Variants in PPP3CA observed in about 807,000 individuals in gnomAD.
PPP3CA encodes the protein protein phosphatase 3 catalytic subunit alpha, also known as CAM-PRP catalytic subunit.
Under a neutral mutation model 66.5 loss-of-function variants are expected in PPP3CA, and 14 were observed. The observed-to-expected ratio is 0.21, with a 90% CI of 0.14 to 0.33. PPP3CA has a LOEUF of 0.33. Ranked by LOEUF, PPP3CA falls within the 10% of genes least tolerant of loss-of-function variation. The pLI is 1.00. For missense variants in PPP3CA, 317 were observed against 639.5 expected (o/e 0.50, Z 5.44); for synonymous variants, 232 against 226.2 (o/e 1.03, Z -0.23).
intron 8 of PPP3CA, among the ~76,000 whole-genome samples, chr4:101,074,809 C>CA (rs557223544): frequency 8.8e-4 from 134 of 152,260 alleles, no homozygotes; most frequent in Non-Finnish European, 1.2e-3. Flanking sequence ...TTTTCCCTAT[C>CA]AAAAAGGATA....
At chr4:101,181,888 C>T (rs1488452068) in intron 2 of PPP3CA, among the ~76,000 whole-genome samples, 3 of 151,856 alleles carry the variant, frequency 2.0e-5, no homozygotes, top group East Asian at 3.9e-4. Flanking sequence ...GGAAGCCTAT[C>T]GAAATCAAAA....
chr4:101,114,188 G>A (rs1052772372), intron 2 of PPP3CA, among the ~76,000 whole-genome samples: 3 of 152,144 alleles, frequency 2.0e-5, no homozygotes, highest in African/African-American at 4.8e-5. Context: ...TCATCTGGCT[G>A]AATATTCCAA....
At chr4:101,250,274 G>C (rs1726631555) in intron 1 of PPP3CA, 25 of 446,214 alleles carry the variant, frequency 5.6e-5, no homozygotes, top group South Asian at 4.0e-4. Context: ...AGGATTTACA[G>C]TCAGACAGAC....
At chr4:101,275,852 GTA>G (rs1430740348) in intron 1 of PPP3CA, among the ~76,000 whole-genome samples, 1 of 144,728 alleles carries the variant, frequency 6.9e-6, no homozygotes, top group Non-Finnish European at 1.5e-5. Context: ...TTTTCTGTGT[GTA>G]TGTGTGGTTT....
chr4:101,032,612 A>G (rs1248076905), intron 11 of PPP3CA, among the ~76,000 whole-genome samples: 1 of 152,138 alleles, frequency 6.6e-6, no homozygotes, highest in Non-Finnish European at 1.5e-5. Flanking sequence ...TCTTTTGAGT[A>G]TCGAAGCTAG....
At chr4:101,173,842 C>G (rs2850980) in intron 2 of PPP3CA, among the ~76,000 whole-genome samples, 29,224 of 151,924 alleles carry the variant, frequency 0.19, 4,017 homozygotes, top group African/African-American at 0.36. Context: ...CTTGAGGCCA[C>G]GACTTTGAAA....
chr4:101,146,850 T>C (rs1399464838), intron 2 of PPP3CA, among the ~76,000 whole-genome samples: 3 of 152,172 alleles, frequency 2.0e-5, no homozygotes, highest in Admixed American at 1.3e-4. Flanking sequence ...GTTTTTTAGA[T>C]TTCAGATTTG....
rs1038218567 is a variant in PPP3CA at position 101,200,216 on chromosome 4, T to C, written c.59-4100A>G. 3.4e-4 allele frequency among the ~76,000 whole-genome samples: 51 copies of C among 152,202 alleles called. 1 individual carries two copies. The highest frequency in any genetic ancestry group is 1.2e-3 in the African/African-American group (50 of 41,476). ...AAACATCTGAGGGTCATTGCCATGG[T>C]GACACCTTGACTGGAAGATGGTCCG... On this transcript the variant is annotated intron_variant, in intron 1 of 13. Coordinates refer to ENST00000394854, the MANE Select transcript of PPP3CA (RefSeq NM_000944.5).
At position 101,250,497 on chromosome 4, in the gene PPP3CA, C is replaced by T. The variant is rs866814279; in HGVS notation, c.59-54381G>A. On this transcript the variant is annotated intron_variant, in intron 1 of 13. Transcript: ENST00000394854. ...TGAAGCTCTGTCCTTATCAAAGAAA[C>T]AGCTACATACAAATCCAGGCTTCCT... is the stretch of plus-strand genomic sequence containing the variant. 17 of 263,816 alleles carry T rather than the reference C, an allele frequency of 6.4e-5. 1 individual carries two copies. The highest frequency in any genetic ancestry group is 6.1e-4 in the South Asian group (17 of 27,838). The allele number at this position is 263,816 out of a possible 1,614,324, so 16.3% of individuals were successfully genotyped here.
At chr4:101,083,018 T>C (rs1729506218) in intron 7 of PPP3CA, among the ~76,000 whole-genome samples, 168 bp downstream of exon 7, 1 of 152,188 alleles carries the variant, frequency 6.6e-6, no homozygotes, top group Admixed American at 6.5e-5. Context: ...CAGCCATTCA[T>C]TCCCTAGGAC....
intron 2 of PPP3CA, among the ~76,000 whole-genome samples, chr4:101,109,332 GAA>G (rs1259713606): frequency 1.0e-5 from 1 of 96,216 alleles, no homozygotes; most frequent in East Asian, 3.3e-4. Flanking sequence ...AAAAAAAAAA[GAA>G]GAGAATAATA....
intron 2 of PPP3CA, among the ~76,000 whole-genome samples, chr4:101,126,000 G>C (rs1373804041): frequency 6.6e-6 from 1 of 152,146 alleles, no homozygotes; most frequent in Non-Finnish European, 1.5e-5. Flanking sequence ...CTACATGGTA[G>C]GGGGTAGGAA....
chr4:101,088,556 G>C (rs1729772412), intron 6 of PPP3CA, among the ~76,000 whole-genome samples: 2 of 131,958 alleles, frequency 1.5e-5, no homozygotes, highest in South Asian at 4.7e-4. Flanking sequence ...CTGCTCTCCA[G>C]CCTGGGCGAC....
chr4:101,085,800 T>C (rs17828764), intron 6 of PPP3CA, among the ~76,000 whole-genome samples: 11,898 of 149,734 alleles, frequency 0.079, 598 homozygotes, highest in Non-Finnish European at 0.11. Flanking sequence ...TTATCACAAA[T>C]CACAAAATGT....
At chr4:101,335,868 T>A (rs556113257) in intron 1 of PPP3CA, among the ~76,000 whole-genome samples, 1 of 152,116 alleles carries the variant, frequency 6.6e-6, no homozygotes, top group Admixed American at 6.5e-5. Flanking sequence ...GGGACTCCAA[T>A]AGACTGACCT....
chr4:101,161,348 C>T (rs1025147690), intron 2 of PPP3CA, among the ~76,000 whole-genome samples: 3 of 152,122 alleles, frequency 2.0e-5, no homozygotes, highest in African/African-American at 7.2e-5. Flanking sequence ...TTGAACAAGC[C>T]TCTCCCTATC....
At chr4:101,195,380 A>T (rs79866911) in intron 2 of PPP3CA, among the ~76,000 whole-genome samples, 4,514 of 152,254 alleles carry the variant, frequency 0.03, 241 homozygotes, top group African/African-American at 0.1. Context: ...GTGCATCAGA[A>T]TCACACAGAG....
At chr4:101,149,276 C>T (rs571340606) in intron 2 of PPP3CA, among the ~76,000 whole-genome samples, 22 of 152,130 alleles carry the variant, frequency 1.4e-4, no homozygotes, top group Non-Finnish European at 2.8e-4. Flanking sequence ...TTGGCTTTGC[C>T]TTCACATGCT....
intron 10 of PPP3CA, among the ~76,000 whole-genome samples, chr4:101,042,536 G>A (rs771309402): frequency 2.6e-5 from 4 of 152,148 alleles, no homozygotes; most frequent in Non-Finnish European, 5.9e-5. Context: ...TAGCTGTTCT[G>A]ATAATTAAGC....
Sources: allele counts gnomAD v4.1 joint callset (sites outside exome capture counted in the v4.1 genomes callset), GRCh38; gene constraint gnomAD v4.1.1; transcripts MANE v1.5; gene names NCBI Gene and HGNC (gene_info 2026-07-23, HGNC 2026-07-21).